Variants in SLC9A9 observed in about 807,000 individuals in gnomAD.
SLC9A9 encodes the protein solute carrier family 9 member A9.
SLC9A9 carries 62 observed loss-of-function variants against 77.8 expected under a neutral mutation model. The ratio of observed to expected loss-of-function variants is 0.80; its 90% CI spans 0.65 to 0.98. SLC9A9 has a LOEUF of 0.98. Among genes scored for constraint, SLC9A9 ranks in the 50% least tolerant of loss-of-function variants. SLC9A9 has a pLI of 0.00. For synonymous variants in SLC9A9, 320 were observed against 283.5 expected, an observed-to-expected ratio of 1.13 and a Z score of -1.29; for missense variants, 775 against 774.9, an observed-to-expected ratio of 1.00 and a Z score of 0.00.
At chr3:143,718,456 G>T (rs1934411517) in intron 4 of SLC9A9, among the ~76,000 whole-genome samples, 1 of 152,170 alleles carries the variant, frequency 6.6e-6, no homozygotes, top group Admixed American at 6.5e-5. Flanking sequence ...CTTTGTTACA[G>T]AATGAAGAGG....
At chr3:143,476,855 G>T (rs2108577074) in intron 11 of SLC9A9, among the ~76,000 whole-genome samples, 1 of 152,274 alleles carries the variant, frequency 6.6e-6, no homozygotes, top group East Asian at 1.9e-4. Flanking sequence ...GTTGGTAGAA[G>T]CCAGGGATGC....
At chr3:143,379,512 T>C (rs76715271) in intron 13 of SLC9A9, among the ~76,000 whole-genome samples, 2 of 152,222 alleles carry the variant, frequency 1.3e-5, no homozygotes, top group African/African-American at 4.8e-5. Context: ...AACATTATCA[T>C]GAATAAGAAC....
intron 4 of SLC9A9, among the ~76,000 whole-genome samples, chr3:143,758,491 C>A (rs532383837): frequency 6.6e-6 from 1 of 152,114 alleles, no homozygotes; most frequent in Non-Finnish European, 1.5e-5. Flanking sequence ...GTGGCCCTCA[C>A]ATTTTTAAGG....
intron 12 of SLC9A9, among the ~76,000 whole-genome samples, chr3:143,424,539 A>T (rs1049336687): frequency 6.6e-6 from 1 of 151,714 alleles, no homozygotes; most frequent in Admixed American, 6.6e-5. Flanking sequence ...CGCCTCCCCA[A>T]GTGCTGGGTC....
chr3:143,679,352 T>C lies in SLC9A9; in HGVS notation c.649+13840A>G, dbSNP rs1933006231. On this transcript the variant is annotated intron_variant, in intron 5 of 15. Coordinates refer to ENST00000316549, the MANE Select transcript of SLC9A9 (RefSeq NM_173653.4). ...GACTGAGCAGCCTTAGGCATTCTCT[T>C]TCCCTACAAATCCTAGGCTGATGGA... Among the ~76,000 whole-genome samples the C allele has an allele frequency of 2.0e-5, 3 of 152,188 alleles. No homozygotes were observed. In the South Asian group the frequency reaches 6.2e-4, roughly 31 times the overall value.
Position 143,440,097 on chromosome 3 carries a change from G to C in SLC9A9, c.1469+26940C>G, listed in dbSNP as rs542318473. On this transcript the variant is annotated intron_variant, in intron 12 of 15. Transcript: ENST00000316549. ...CTGTGCTTACAGCAGGAAAGGGACA[G>C]TTAAGAAAGAGTGAATGGTGCAGAA... 3.3e-5 allele frequency among the ~76,000 whole-genome samples: 5 copies of C among 152,364 alleles called. No homozygotes were observed. In the East Asian group the frequency reaches 9.6e-4, roughly 29 times the overall value.
At chr3:143,341,105 C>T (rs1357552301) in intron 14 of SLC9A9, among the ~76,000 whole-genome samples, 1 of 152,146 alleles carries the variant, frequency 6.6e-6, no homozygotes, top group African/African-American at 2.4e-5. Context: ...TCTTTTGGCA[C>T]TTATGTGGAA....
At chr3:143,843,205 C>G (rs2009749811) in intron 1 of SLC9A9, among the ~76,000 whole-genome samples, 1 of 152,134 alleles carries the variant, frequency 6.6e-6, no homozygotes, top group Non-Finnish European at 1.5e-5. Flanking sequence ...TCCCATAGGC[C>G]TGGCAGTCAG....
intron 6 of SLC9A9, among the ~76,000 whole-genome samples, chr3:143,620,332 G>A (rs2038179404): frequency 6.6e-6 from 1 of 152,150 alleles, no homozygotes; most frequent in Admixed American, 6.5e-5. Context: ...TAGTTGTTGG[G>A]ATTATTAAAT....
intron 9 of SLC9A9, among the ~76,000 whole-genome samples, chr3:143,550,587 C>T (rs986075579): frequency 6.6e-6 from 1 of 152,156 alleles, no homozygotes; most frequent in Non-Finnish European, 1.5e-5. Context: ...ACATGTGGCC[C>T]TAGCAAAGCC....
chr3:143,646,028 T>C (rs1409941959), intron 6 of SLC9A9, among the ~76,000 whole-genome samples: 1 of 152,114 alleles, frequency 6.6e-6, no homozygotes, highest in East Asian at 1.9e-4. Context: ...CTTTCTCTTC[T>C]ATCATGGGTA....
intron 11 of SLC9A9, among the ~76,000 whole-genome samples, chr3:143,480,620 A>T (rs2035557692): frequency 6.6e-6 from 1 of 152,144 alleles, no homozygotes. Context: ...TTGCTCACTA[A>T]TGCCTGCTCC....
At chr3:143,581,974 A>G (rs2037462244) in intron 6 of SLC9A9, among the ~76,000 whole-genome samples, 2 of 152,224 alleles carry the variant, frequency 1.3e-5, no homozygotes, top group African/African-American at 4.8e-5. Flanking sequence ...TGTTTGGCAC[A>G]TGGCAGGGTA....
At chr3:143,407,895 C>G in intron 12 of SLC9A9, among the ~76,000 whole-genome samples, 1 of 152,176 alleles carries the variant, frequency 6.6e-6, no homozygotes, top group East Asian at 1.9e-4. Flanking sequence ...TAACAAATTA[C>G]CATAAACTGG....
intron 12 of SLC9A9, among the ~76,000 whole-genome samples, chr3:143,423,856 T>C (rs1370259071): frequency 6.6e-6 from 1 of 152,222 alleles, no homozygotes; most frequent in Non-Finnish European, 1.5e-5. Flanking sequence ...ACTGATGGCA[T>C]GTGACAAGAA....
At chr3:143,838,979 A>T (rs1481834868) in intron 1 of SLC9A9, among the ~76,000 whole-genome samples, 1 of 152,206 alleles carries the variant, frequency 6.6e-6, no homozygotes, top group Non-Finnish European at 1.5e-5. Context: ...ATTTAGAGAG[A>T]TAATATGGGT....
intron 6 of SLC9A9, among the ~76,000 whole-genome samples, chr3:143,614,278 C>T (rs1276858883): frequency 1.3e-5 from 2 of 152,144 alleles, no homozygotes; most frequent in Non-Finnish European, 2.9e-5. Context: ...CTCATTTTTG[C>T]TATGCCTGTA....
chr3:143,582,504 T>C (rs2037473914), intron 6 of SLC9A9, among the ~76,000 whole-genome samples: 1 of 152,198 alleles, frequency 6.6e-6, no homozygotes, highest in Non-Finnish European at 1.5e-5. Context: ...GTTACCACTG[T>C]GGGCAAATGG....
intron 9 of SLC9A9, among the ~76,000 whole-genome samples, chr3:143,538,941 C>T (rs552176705): frequency 5.3e-5 from 8 of 152,300 alleles, no homozygotes; most frequent in African/African-American, 2.4e-5. Context: ...CTTTATTTTT[C>T]AACAGGGATC....
Sources: allele counts gnomAD v4.1 joint callset (sites outside exome capture counted in the v4.1 genomes callset), GRCh38; gene constraint gnomAD v4.1.1; transcripts MANE v1.5; gene names NCBI Gene and HGNC (gene_info 2026-07-23, HGNC 2026-07-21).